Variants in LRRIQ3 observed in about 807,000 individuals in gnomAD.
The protein encoded by LRRIQ3 is leucine rich repeats and IQ motif containing 3.
Under a neutral mutation model 59.3 loss-of-function variants are expected in LRRIQ3, and 75 were observed. The observed-to-expected ratio is 1.26, with a 90% CI of 1.05 to 1.53. The LOEUF is 1.53. Ranked by LOEUF, LRRIQ3 falls within the 40% of genes most tolerant of loss-of-function variation. LRRIQ3 has a pLI of 0.00. For synonymous variants in LRRIQ3, 250 were observed against 231.3 expected (o/e 1.08, Z -0.73); for missense variants, 831 against 710.0 (o/e 1.17, Z -1.94).
chr1:74,040,075 A>G (rs191828411), intron 7 of LRRIQ3, among the ~76,000 whole-genome samples: 1 of 152,224 alleles, frequency 6.6e-6, no homozygotes. Context: ...GCTCAAAATA[A>G]AGGAATGGAG....
At chr1:74,085,059 T>C (rs2100503814) in intron 5 of LRRIQ3, among the ~76,000 whole-genome samples, 1 of 151,900 alleles carries the variant, frequency 6.6e-6, no homozygotes, top group African/African-American at 2.4e-5. Context: ...GTATTTTCTT[T>C]CAATGATTCC....
intron 4 of LRRIQ3, among the ~76,000 whole-genome samples, chr1:74,135,870 C>T (rs542887962): frequency 1.3e-5 from 2 of 151,204 alleles, no homozygotes; most frequent in South Asian, 4.2e-4. Flanking sequence ...AATCTCATAG[C>T]AAGCAAGATT....
At chr1:74,167,372 GT>G (rs901165085) in intron 3 of LRRIQ3, among the ~76,000 whole-genome samples, 5 of 151,698 alleles carry the variant, frequency 3.3e-5, no homozygotes, top group African/African-American at 1.2e-4. Flanking sequence ...ACCAAATATC[GT>G]ATGTTCTCAC....
chr1:74,109,554 C>A lies in LRRIQ3; in HGVS notation c.708-1G>T. Reference sequence around the variant, plus strand: ...TTTTTTTTTGTGGAAAAACACAGGGCTGAATATAAGGGGAGGGGAAAACTA... The same window carrying A: ...TTTTTTTTTGTGGAAAAACACAGGGATGAATATAAGGGGAGGGGAAAACTA... On this transcript the variant is annotated splice_acceptor_variant, in intron 4 of 7. Transcript: ENST00000354431. LOFTEE classifies it high-confidence loss of function. The A allele has an allele frequency of 1.3e-6, 2 of 1,549,812 alleles. No individual in the cohort carries two copies. Among genetic ancestry groups the A allele is most frequent in the Non-Finnish European group, 1.7e-6 (2 of 1,156,720 alleles).
At chr1:74,138,343 A>AAAAAGTCTATT (rs1647163937) in intron 4 of LRRIQ3, 3 of 252,414 alleles carry the variant, frequency 1.2e-5, no homozygotes, top group Non-Finnish European at 1.3e-5. Flanking sequence ...CCCAGGTCAC[A>AAAAAGTCTATT]AAAAGTCTAT....
rs1570129477 is a variant in LRRIQ3, at chr1:74,109,571, G to A, written c.708-18C>T. 1.3e-6 allele frequency: 2 copies of A among 1,524,998 alleles called. No homozygotes were observed. The highest frequency in any genetic ancestry group is 1.7e-6 in the Non-Finnish European group (2 of 1,146,184). 94.5% of individuals were successfully genotyped at this position (1,524,998 alleles called of 1,614,324 possible). On this transcript the variant is annotated intron_variant, in intron 4 of 7. Coordinates refer to ENST00000354431, the MANE Select transcript of LRRIQ3 (RefSeq NM_001105659.2). The stretch of plus-strand genomic sequence containing the variant: ...ACACAGGGCTGAATATAAGGGGAGG[G>A]GAAAACTATTTGTTAGTTTTTTGCC...
chr1:74,193,509 T>C (rs1294592063), intron 1 of LRRIQ3, among the ~76,000 whole-genome samples: 1 of 152,174 alleles, frequency 6.6e-6, no homozygotes, highest in East Asian at 1.9e-4. Context: ...CTATACAAGG[T>C]TATAACTCAT....
intron 3 of LRRIQ3, among the ~76,000 whole-genome samples, chr1:74,170,747 T>G (rs1649274056): frequency 6.6e-6 from 1 of 152,130 alleles, no homozygotes; most frequent in Admixed American, 6.5e-5. Context: ...ATTGATCAAA[T>G]CTGCATTGCT....
intron 6 of LRRIQ3, among the ~76,000 whole-genome samples, chr1:74,063,315 T>C (rs1292327636): frequency 6.6e-6 from 1 of 152,110 alleles, no homozygotes; most frequent in South Asian, 2.1e-4. Context: ...CGTGGTATAC[T>C]TGTATATGGT....
At chr1:74,149,031 G>C (rs1475457671) in intron 4 of LRRIQ3, among the ~76,000 whole-genome samples, 1 of 18,288 alleles carries the variant, frequency 5.5e-5, no homozygotes, top group Non-Finnish European at 1.4e-4. Context: ...TTGTATTCCT[G>C]GAATAAATTA....
chr1:74,094,079 T>G (rs1557611321), intron 5 of LRRIQ3, among the ~76,000 whole-genome samples: 3 of 152,062 alleles, frequency 2.0e-5, no homozygotes, highest in Admixed American at 2.0e-4. Context: ...CTTCTCACTA[T>G]GTCCTGATAT....
intron 4 of LRRIQ3, among the ~76,000 whole-genome samples, chr1:74,131,057 C>T (rs1647009624): frequency 6.6e-6 from 1 of 151,960 alleles, no homozygotes; most frequent in Non-Finnish European, 1.5e-5. Flanking sequence ...GATATTACCA[C>T]CACAGAAATA....
At chr1:74,110,951 A>G (rs1454943891) in intron 4 of LRRIQ3, among the ~76,000 whole-genome samples, 2 of 152,052 alleles carry the variant, frequency 1.3e-5, no homozygotes, top group Admixed American at 6.6e-5. Context: ...ACTCTAGCCC[A>G]TGGAATAAGG....
intron 6 of LRRIQ3, among the ~76,000 whole-genome samples, chr1:74,048,788 A>C (rs951562848): frequency 6.6e-6 from 1 of 152,204 alleles, no homozygotes; most frequent in Non-Finnish European, 1.5e-5. Context: ...TAATAATATA[A>C]TGTGTGAACA....
At chr1:74,086,372 G>T (rs2100506629) in intron 5 of LRRIQ3, among the ~76,000 whole-genome samples, 2 of 152,064 alleles carry the variant, frequency 1.3e-5, no homozygotes, top group Admixed American at 1.3e-4. Context: ...TCTTAACCTG[G>T]TCCAATTTCA....
chr1:74,168,137 A>G (rs1426498463), intron 3 of LRRIQ3, among the ~76,000 whole-genome samples: 2 of 152,018 alleles, frequency 1.3e-5, no homozygotes, highest in Non-Finnish European at 1.5e-5. Flanking sequence ...TATATATCCT[A>G]ATTTCATATC....
At chr1:74,136,557 T>C (rs2100624982) in intron 4 of LRRIQ3, among the ~76,000 whole-genome samples, 1 of 152,042 alleles carries the variant, frequency 6.6e-6, no homozygotes, top group Non-Finnish European at 1.5e-5. Context: ...ATTATATATA[T>C]ATTAGAAATA....
intron 1 of LRRIQ3, among the ~76,000 whole-genome samples, chr1:74,192,111 T>C (rs1430465620): frequency 2.0e-5 from 3 of 152,102 alleles, no homozygotes; most frequent in Non-Finnish European, 2.9e-5. Flanking sequence ...TAACCTGTAG[T>C]TCACATGTTT....
At chr1:74,048,867 A>T (rs532104070) in intron 6 of LRRIQ3, among the ~76,000 whole-genome samples, 2 of 152,308 alleles carry the variant, frequency 1.3e-5, no homozygotes, top group South Asian at 2.1e-4. Flanking sequence ...TGAGGTATTT[A>T]CTAAGAAATG....
Sources: gnomAD v4.1 joint callset for allele counts (sites outside exome capture counted in the v4.1 genomes callset) on GRCh38, gnomAD v4.1.1 for gene constraint, MANE v1.5 for transcripts, NCBI Gene and HGNC (gene_info 2026-07-23, HGNC 2026-07-21) for gene names.